NCBP3: variants seen among roughly 807,000 people sequenced by gnomAD.
The protein encoded by NCBP3 is nuclear cap-binding protein subunit 3.
A neutral mutation model predicts 75.7 loss-of-function variants in NCBP3; 20 were observed. The ratio of observed to expected loss-of-function variants is 0.26; its 90% CI spans 0.19 to 0.38. NCBP3 has a LOEUF of 0.38. Among genes scored for constraint, NCBP3 ranks in the 10% least tolerant of loss-of-function variants. The probability of loss-of-function intolerance (pLI) is 1.00; values close to 1 mark genes in which losing one functional copy is unlikely to be tolerated. For synonymous variants in NCBP3, 293 were observed against 290.5 expected (o/e 1.01, Z -0.09); for missense variants, 678 against 796.9 (o/e 0.85, Z 1.80).
intron 9 of NCBP3, among the ~76,000 whole-genome samples, chr17:3,819,004 T>A (rs139820372): frequency 2.4e-4 from 36 of 152,332 alleles, no homozygotes; most frequent in African/African-American, 7.5e-4. Flanking sequence ...CATCTCATGC[T>A]GTAAACAAGC....
chr17:3,838,722 T>C (rs763426779), intron 3 of NCBP3, among the ~76,000 whole-genome samples: 2 of 152,248 alleles, frequency 1.3e-5, no homozygotes, highest in Non-Finnish European at 2.9e-5. Context: ...TACATGACCC[T>C]GGGCAATTTA....
At chr17:3,843,937 TATCA>T (rs1358036338) in intron 1 of NCBP3, among the ~76,000 whole-genome samples, 2 of 152,224 alleles carry the variant, frequency 1.3e-5, no homozygotes, top group Non-Finnish European at 2.9e-5. Flanking sequence ...GATTCCATGG[TATCA>T]ATCAACCACT....
Position 3,831,675 on chromosome 17 carries a change from A to G in NCBP3, c.356-2307T>C, listed in dbSNP as rs1327724033. Among the ~76,000 whole-genome samples the G allele has an allele frequency of 4.1e-5, 5 of 121,640 alleles. 1 individual carries two copies. Among genetic ancestry groups the G allele is most frequent in the African/African-American group, 1.3e-4 (5 of 39,920 alleles). The allele number at this position is 121,640 out of a possible 152,430, so 79.8% of individuals were successfully genotyped here. ...ATCTCAGGCACACAAAACATTACAT[A>G]TGAAACTGGGGCCCACAGTACCTCT... On this transcript the variant is annotated intron_variant, in intron 3 of 12. Transcript: ENST00000389005.
At chr17:3,826,809 C>T (rs2053795159) in intron 4 of NCBP3, among the ~76,000 whole-genome samples, 1 of 151,814 alleles carries the variant, frequency 6.6e-6, no homozygotes. Context: ...GTCAGGAGAT[C>T]GAGACCATCC....
rs1260050766 is a variant in NCBP3, at chr17:3,822,045, T to C, written c.804A>G (p.Lys268=). 7 of 1,604,084 alleles carry C rather than the reference T, an allele frequency of 4.4e-6. No homozygotes were observed. The highest frequency in any genetic ancestry group is 1.7e-4 in the Middle Eastern group (1 of 6,028). Residue 268 remains lysine (K), a synonymous_variant, in exon 8 of 13, where the codon AAA becomes AAG. Coordinates refer to ENST00000389005, the MANE Select transcript of NCBP3 (RefSeq NM_001114118.3). ...TTCTTCTGGCTGCTCCAAGTTCCTT[T>C]TTGTCATCTAAAAATTAATGACAAT... ...LFMRFATKDD[K]KELGAARRSQ...
chr17:3,846,246 TGA>T (rs1462229227), upstream of NCBP3: 1 of 1,404,724 alleles, frequency 7.1e-7, no homozygotes, highest in Admixed American at 3.5e-5. The surrounding 1 kb of genome is among the most constrained non-coding windows in gnomAD (Gnocchi z 4.6). Context: ...GCCGCACCAC[TGA>T]GAGCCCGCCC....
At chr17:3,830,038 C>T (rs760966377) in intron 3 of NCBP3, among the ~76,000 whole-genome samples, 4 of 152,138 alleles carry the variant, frequency 2.6e-5, no homozygotes, top group African/African-American at 7.2e-5. Context: ...GTCCTTGAAT[C>T]GAGATATCTT....
rs368623245 is a variant in NCBP3, at chr17:3,816,103, T to C, written c.1465+13A>G. The C allele has an allele frequency of 6.2e-7, 1 of 1,606,602 alleles. No individual in the cohort carries two copies. Among genetic ancestry groups the C allele is most frequent in the Non-Finnish European group, 8.5e-7 (1 of 1,176,192 alleles). On this transcript the variant is annotated intron_variant, in intron 11 of 12. Coordinates refer to ENST00000389005, the MANE Select transcript of NCBP3 (RefSeq NM_001114118.3). ...CTCAGAATCCAGCCAGGAATCCAAG[T>C]GAGGAACAGTACCTGATTTAGTACT...
At position 3,805,362 on chromosome 17, in the gene NCBP3, C is replaced by T. The variant is rs572797563; in HGVS notation, c.*7682G>A. ...TGCTGTGGACTGAACTGTAAATGTC[C>T]TCCAAATTCATATGTTGAAGCCCTA... On this transcript the variant is annotated 3_prime_UTR_variant, in exon 13 of 13. Transcript: ENST00000389005. The T allele has an allele frequency of 5.9e-5, 9 of 152,194 alleles. No individual in the cohort carries two copies. The highest frequency in any genetic ancestry group is 1.2e-4 in the Non-Finnish European group (8 of 68,042). 9.4% of individuals were successfully genotyped at this position (152,194 alleles called of 1,614,324 possible). A position where few individuals can be genotyped will look rare whatever the true frequency, so the allele number is the denominator to read the frequency against.
At chr17:3,837,183 A>T (rs2053988283) in intron 3 of NCBP3, among the ~76,000 whole-genome samples, 1 of 149,718 alleles carries the variant, frequency 6.7e-6, no homozygotes, top group African/African-American at 2.5e-5. Context: ...AATAAATAAA[A>T]ATTACCTGAG....
chr17:3,839,963 A>T, intron 3 of NCBP3, 137 bp downstream of exon 3: 1 of 609,274 alleles, frequency 1.6e-6, no homozygotes. Flanking sequence ...AGAAATGGAG[A>T]CTTCACAGGT....
rs1451922756 is a variant in NCBP3 at position 3,846,041 on chromosome 17, C to T, written c.183G>A (p.Pro61=). 1 of 1,546,802 alleles carries T rather than the reference C, an allele frequency of 6.5e-7. No individual in the cohort carries two copies. The highest frequency in any genetic ancestry group is 8.7e-7 in the Non-Finnish European group (1 of 1,144,854). ...PVRRSLKELI[P]DTSRRYENKA... ...CTTACCCCCCGACCCCCGCCCGTAC[C>T]GGGATCAGTTCCTTGAGCGAGCGCC... Residue 61 remains proline, a splice_region_variant and synonymous_variant, in exon 1 of 13, where the codon CCG becomes CCA. Transcript: ENST00000389005. The surrounding 1 kb of genome is among the most constrained non-coding windows in gnomAD (Gnocchi z 4.6).
At chr17:3,820,305 A>T (rs957013813) in intron 9 of NCBP3, among the ~76,000 whole-genome samples, 5 of 152,198 alleles carry the variant, frequency 3.3e-5, no homozygotes, top group African/African-American at 1.2e-4. Context: ...ATACACATTA[A>T]ATAAAACATC....
chr17:3,820,519 TC>T (rs2053641305), intron 9 of NCBP3, among the ~76,000 whole-genome samples: 1 of 152,208 alleles, frequency 6.6e-6, no homozygotes, highest in African/African-American at 2.4e-5. Context: ...AGTCATGATA[TC>T]CCACTCTTCT....
Position 3,843,068 on chromosome 17 carries a change from A to T in NCBP3, c.249+18T>A. The stretch of plus-strand genomic sequence containing the variant: ...ACTTGCTTATCAAGCTGAATAAATA[A>T]ATCATAGCCTGTCTTACCTTGGAGG... On this transcript the variant is annotated intron_variant, in intron 2 of 12. Transcript: ENST00000389005. The T allele has an allele frequency of 6.5e-7, 1 of 1,541,120 alleles. No homozygotes were observed. The highest frequency in any genetic ancestry group is 8.8e-7 in the Non-Finnish European group (1 of 1,137,528).
At chr17:3,836,504 T>A (rs889299778) in intron 3 of NCBP3, among the ~76,000 whole-genome samples, 8 of 151,638 alleles carry the variant, frequency 5.3e-5, no homozygotes, top group Middle Eastern at 3.4e-3. Flanking sequence ...AATATAAAAA[T>A]TGGCTGGCCG....
intron 7 of NCBP3, chr17:3,822,294 G>A: frequency 2.7e-6 from 1 of 376,598 alleles, no homozygotes; most frequent in African/African-American, 2.1e-5. Flanking sequence ...ATGACTTAAT[G>A]GAGAAAACAA....
intron 10 of NCBP3, among the ~76,000 whole-genome samples, chr17:3,816,640 G>C (rs1409844695): frequency 3.9e-5 from 6 of 152,226 alleles, no homozygotes; most frequent in Non-Finnish European, 8.8e-5. Flanking sequence ...ATAGTCTACA[G>C]TCTCTCTCTT....
intron 4 of NCBP3, 107 bp downstream of exon 4, chr17:3,829,136 G>A (rs986696282): frequency 1.4e-5 from 18 of 1,254,126 alleles, no homozygotes; most frequent in Admixed American, 5.0e-5. Context: ...GCAGAAGTTC[G>A]GCATAAACAA....
Sources: allele counts gnomAD v4.1 joint callset (sites outside exome capture counted in the v4.1 genomes callset), GRCh38; gene constraint gnomAD v4.1.1; non-coding constraint Gnocchi (gnomAD v3.1); transcripts MANE v1.5; gene names NCBI Gene and HGNC (gene_info 2026-07-23, HGNC 2026-07-21).